SORL1: variants seen among roughly 807,000 people sequenced by gnomAD.
SORL1 encodes the protein sortilin related receptor 1.
Under a neutral mutation model 273.7 loss-of-function variants are expected in SORL1, and 127 were observed. That is an observed-to-expected ratio of 0.46 (90% CI 0.40 to 0.54). SORL1 has a LOEUF of 0.54. Among genes scored for constraint, SORL1 ranks in the 20% least tolerant of loss-of-function variants. The pLI is 0.00. For synonymous variants in SORL1, 1,031 were observed against 1,067.4 expected (o/e 0.97, Z 0.66); for missense variants, 2,494 against 2,846.1 (o/e 0.88, Z 2.81).
chr11:121,589,470 C>T, intron 29 of SORL1, 80 bp downstream of exon 29: 1 of 1,547,718 alleles, frequency 6.5e-7, no homozygotes, highest in Non-Finnish European at 8.9e-7. Context: ...CACTCACCGG[C>T]AACCCCACTG....
At chr11:121,466,081 CTGTT>C (rs1274877323) in intron 1 of SORL1, among the ~76,000 whole-genome samples, 2 of 152,328 alleles carry the variant, frequency 1.3e-5, no homozygotes, top group Admixed American at 6.5e-5. Context: ...TAATTTTTCT[CTGTT>C]TGCCTTCTGA....
intron 6 of SORL1, 78 bp from the exon 7 acceptor site, chr11:121,512,925 C>T: frequency 2.1e-6 from 2 of 968,090 alleles, no homozygotes; most frequent in Non-Finnish European, 3.3e-6. Flanking sequence ...GAATCTGACT[C>T]TTCTATTTTT....
chr11:121,455,598 T>G (rs938454513), intron 1 of SORL1, among the ~76,000 whole-genome samples: 2 of 152,234 alleles, frequency 1.3e-5, no homozygotes, highest in African/African-American at 4.8e-5. Flanking sequence ...CCTCCTCAGT[T>G]TCTCTAAGGT....
chr11:121,595,755 G>A lies in SORL1; in HGVS notation c.4502G>A (p.Arg1501Gln), dbSNP rs370515217. 6.2e-6 allele frequency: 10 copies of A among 1,613,198 alleles called. No individual in the cohort carries two copies. The highest frequency in any genetic ancestry group is 2.7e-5 in the African/African-American group (2 of 75,050). The change falls in exon 32 of 48, where the codon CGG becomes CAG. Residue 1501 changes from arginine (R) to glutamine (Q), a missense_variant. Arg to Gln is a conservative substitution (Grantham distance 43). Transcript: ENST00000260197. This position sits in a 1 kb window ranked among gnomAD's most constrained non-coding sequence, Gnocchi z 5.1. ...CDGHQDCQDG[R>Q]DEANCPTHST... ...GGCCACCAAGATTGCCAGGATGGCC[G>A]GGACGAGGCCAATTGCCGTGAGTAG...
At chr11:121,490,191 C>A in intron 5 of SORL1, 81 bp downstream of exon 5, 1 of 932,352 alleles carries the variant, frequency 1.1e-6, no homozygotes, top group Non-Finnish European at 1.8e-6. Flanking sequence ...GACAAACTGC[C>A]CTCCCCTGAA....
chr11:121,558,933 T>G (rs1315733292), intron 20 of SORL1, 96 bp downstream of exon 20: 9 of 1,471,730 alleles, frequency 6.1e-6, no homozygotes, highest in Non-Finnish European at 7.4e-6. Context: ...GAGAAGCTGT[T>G]TAACTTCTTA....
intron 6 of SORL1, among the ~76,000 whole-genome samples, chr11:121,505,588 A>G (rs939938858): frequency 1.3e-5 from 2 of 152,110 alleles, no homozygotes; most frequent in Non-Finnish European, 2.9e-5. Context: ...AAGTGATTAC[A>G]GGTATACATT....
At chr11:121,519,976 C>T (rs1591309744) in intron 8 of SORL1, among the ~76,000 whole-genome samples, 1 of 152,174 alleles carries the variant, frequency 6.6e-6, no homozygotes, top group Non-Finnish European at 1.5e-5. Flanking sequence ...TCTGGCTGGA[C>T]ATGGTGGCTC....
chr11:121,488,285 C>T (rs71486384), intron 4 of SORL1, 92 bp downstream of exon 4: 1 of 1,217,678 alleles, frequency 8.2e-7, no homozygotes, highest in South Asian at 1.4e-5. Context: ...GACCTCGCCT[C>T]CTGCCTCTCC....
chr11:121,543,472 GT>G (rs1318408189), intron 12 of SORL1, 75 bp from the exon 13 acceptor site: 1 of 1,237,390 alleles, frequency 8.1e-7, no homozygotes, highest in African/African-American at 1.5e-5. Flanking sequence ...CCTGTTCCTG[GT>G]GAATGTTATA....
intron 20 of SORL1, among the ~76,000 whole-genome samples, chr11:121,559,271 G>A (rs1474674662): frequency 6.6e-6 from 1 of 152,286 alleles, no homozygotes; most frequent in South Asian, 2.1e-4. Context: ...TCAAACTGAG[G>A]GGGTTGGGTT....
At chr11:121,488,955 G>A (rs1257644518) in intron 4 of SORL1, among the ~76,000 whole-genome samples, 7 of 152,166 alleles carry the variant, frequency 4.6e-5, no homozygotes, top group Non-Finnish European at 1.0e-4. Flanking sequence ...ACCTAAGTAT[G>A]GGCTGGGTCA....
In SORL1 at chr11:121,459,754, G is replaced by GC. The variant is rs1288409428; in HGVS notation, c.285+7141dup. On this transcript the variant is annotated intron_variant, in intron 1 of 47. Coordinates refer to ENST00000260197, the MANE Select transcript of SORL1 (RefSeq NM_003105.6). ...AACAGTGGGGCCATCTCCCTGCCCT[G>GC]CCCTTTGCTTCCTGTGCTTTTGTTG... Among the ~76,000 whole-genome samples, 3 of 152,318 alleles carry GC rather than the reference G, an allele frequency of 2.0e-5. No homozygotes were observed. The East Asian group carries it at 5.8e-4, about 29-fold the overall frequency.
chr11:121,582,289 CT>C (rs1340070157), intron 25 of SORL1, among the ~76,000 whole-genome samples: 1 of 152,256 alleles, frequency 6.6e-6, no homozygotes, highest in African/African-American at 2.4e-5. Context: ...TTACTGCCAA[CT>C]GTCTCAGTTG....
At chr11:121,623,091 T>C (rs145481881) in intron 45 of SORL1, among the ~76,000 whole-genome samples, 3 of 152,378 alleles carry the variant, frequency 2.0e-5, no homozygotes, top group African/African-American at 7.2e-5. Context: ...AAATGGCTAA[T>C]ATCCTTAAAT....
rs1239250904 is a variant in SORL1 at position 121,632,556 on chromosome 11, C to T, written c.*2993C>T. The T allele has an allele frequency of 6.6e-6, 1 of 151,552 alleles. No individual in the cohort carries two copies. Among genetic ancestry groups the T allele is most frequent in the Admixed American group, 6.6e-5 (1 of 15,146 alleles). 9.4% of individuals were successfully genotyped at this position (151,552 alleles called of 1,614,324 possible). On this transcript the variant is annotated 3_prime_UTR_variant, in exon 48 of 48. Coordinates refer to ENST00000260197, the MANE Select transcript of SORL1 (RefSeq NM_003105.6). ...ATTTGGGTGGGACAGACAGAAGACACACAGCTGCCTGTTCTCTCCTGCCCA... is the reference window on the plus strand; with the variant it reads ...ATTTGGGTGGGACAGACAGAAGACATACAGCTGCCTGTTCTCTCCTGCCCA...
At chr11:121,582,042 G>A (rs1018967870) in intron 25 of SORL1, among the ~76,000 whole-genome samples, 2 of 152,178 alleles carry the variant, frequency 1.3e-5, no homozygotes, top group Non-Finnish European at 2.9e-5. Context: ...GATGTTTAAT[G>A]GATTCTGAGT....
rs572818695 is a variant in SORL1, at chr11:121,588,096, C to T, written c.3891C>T (p.Asp1297=). The change falls in exon 28 of 48, where the codon GAC becomes GAT. Residue 1297 remains aspartate, a synonymous_variant. Coordinates refer to ENST00000260197, the MANE Select transcript of SORL1 (RefSeq NM_003105.6). ...QQCLFHSMVC[D]GIIQCRDGSD... ...GCCTGTTCCACTCCATGGTCTGTGACGGAATCATCCAGTGCCGCGACGGGT... is the reference window on the plus strand; with the variant it reads ...GCCTGTTCCACTCCATGGTCTGTGATGGAATCATCCAGTGCCGCGACGGGT... The T allele has an allele frequency of 2.4e-5, 39 of 1,613,862 alleles. No individual in the cohort carries two copies. Among genetic ancestry groups the T allele is most frequent in the Admixed American group, 2.3e-4 (14 of 60,014 alleles).
chr11:121,559,763 T>C, intron 21 of SORL1, 106 bp downstream of exon 21: 3 of 961,920 alleles, frequency 3.1e-6, no homozygotes, highest in Non-Finnish European at 4.7e-6. Flanking sequence ...GCATCTTTGT[T>C]GTCACGACAA....
Sources: gnomAD v4.1 joint callset for allele counts (sites outside exome capture counted in the v4.1 genomes callset) on GRCh38, gnomAD v4.1.1 for gene constraint, Gnocchi (gnomAD v3.1) non-coding constraint, MANE v1.5 for transcripts, NCBI Gene and HGNC (gene_info 2026-07-23, HGNC 2026-07-21) for gene names.